Variants in ROBO2 observed in about 807,000 individuals in gnomAD.
ROBO2 encodes the protein roundabout homolog 2.
Under a neutral mutation model 160.8 loss-of-function variants are expected in ROBO2, and 53 were observed. That is an observed-to-expected ratio of 0.33 (90% CI 0.26 to 0.41). The LOEUF (loss-of-function observed/expected upper bound fraction) is 0.41. Ranked by LOEUF, ROBO2 falls within the 10% of genes least tolerant of loss-of-function variation. The pLI is 1.00. For missense variants in ROBO2, 1,577 were observed against 1,722.4 expected, an observed-to-expected ratio of 0.92 and a Z score of 1.49; for synonymous variants, 664 against 611.7, an observed-to-expected ratio of 1.09 and a Z score of -1.26.
intron 2 of ROBO2, among the ~76,000 whole-genome samples, chr3:76,493,626 C>G (rs28500665): frequency 0.27 from 40,325 of 151,624 alleles, 6,529 homozygotes; most frequent in African/African-American, 0.44. Context: ...TTATGCGAAG[C>G]CTTCAGTTTT....
chr3:77,602,785 ATC>A, intron 20 of ROBO2: 1 of 491,116 alleles, frequency 2.0e-6, no homozygotes. Context: ...TCAACAATCC[ATC>A]TCTACTTCCA....
chr3:76,727,764 G>A lies in ROBO2; in HGVS notation c.110-370250G>A, dbSNP rs149328385. Among the ~76,000 whole-genome samples the A allele has an allele frequency of 1.2e-4, 19 of 152,206 alleles. No individual in the cohort carries two copies. In the East Asian group the frequency reaches 3.7e-3, roughly 29 times the overall value. ...AATGTCAGGAAGGGGGCAGGAAATG[G>A]ATAGTAAAGAGAAAGTGGTTAATGG... On this transcript the variant is annotated intron_variant, in intron 2 of 26. Coordinates refer to the ROBO2 transcript ENST00000487694.
intron 2 of ROBO2, among the ~76,000 whole-genome samples, chr3:75,971,705 A>G (rs1357788375): frequency 6.6e-6 from 1 of 151,542 alleles, no homozygotes; most frequent in Non-Finnish European, 1.5e-5. Context: ...GGAAAACTTC[A>G]GGCTACATGG....
chr3:77,327,434 G>A (rs996136272), intron 2 of ROBO2, among the ~76,000 whole-genome samples: 5 of 152,130 alleles, frequency 3.3e-5, no homozygotes, highest in African/African-American at 1.2e-4. Context: ...AAATTGTAGG[G>A]TGAGATTTTC....
intron 2 of ROBO2, among the ~76,000 whole-genome samples, chr3:76,377,293 A>G (rs994100395): frequency 6.6e-6 from 1 of 152,156 alleles, no homozygotes; most frequent in Non-Finnish European, 1.5e-5. Context: ...CTATGCCTGC[A>G]TTGCACTGTT....
At chr3:76,120,336 T>C (rs2070698050) in intron 2 of ROBO2, among the ~76,000 whole-genome samples, 1 of 152,060 alleles carries the variant, frequency 6.6e-6, no homozygotes, top group South Asian at 2.1e-4. Flanking sequence ...TTTATTGCTG[T>C]CAGATCACAG....
At chr3:76,310,842 A>G (rs1559744343) in intron 2 of ROBO2, among the ~76,000 whole-genome samples, 6 of 152,190 alleles carry the variant, frequency 3.9e-5, no homozygotes, top group Admixed American at 3.3e-4. Flanking sequence ...CTGAAGCCTT[A>G]TTACTCTTAA....
chr3:76,164,697 T>A (rs770715882), intron 2 of ROBO2, among the ~76,000 whole-genome samples: 6 of 152,180 alleles, frequency 3.9e-5, no homozygotes, highest in Non-Finnish European at 8.8e-5. Context: ...TAAACAGATA[T>A]ACCATCATCC....
At chr3:76,127,597 A>AAATATATATATATATAT in intron 2 of ROBO2, among the ~76,000 whole-genome samples, 1 of 118,404 alleles carries the variant, frequency 8.4e-6, no homozygotes, top group Admixed American at 8.9e-5. Context: ...GGTTTGAAAA[A>AAATATATATATATATAT]ATATATATAT....
chr3:76,950,772 G>T (rs1304835618), intron 2 of ROBO2, among the ~76,000 whole-genome samples: 5 of 152,134 alleles, frequency 3.3e-5, no homozygotes, highest in Admixed American at 2.0e-4. Flanking sequence ...TGTTGCCCAG[G>T]CTGGAGTGCA....
chr3:77,311,444 T>A (rs902050910), intron 2 of ROBO2, among the ~76,000 whole-genome samples: 5 of 152,242 alleles, frequency 3.3e-5, no homozygotes, highest in African/African-American at 1.2e-4. Flanking sequence ...TTGGCTTCTA[T>A]TGTTTTGCTC....
intron 2 of ROBO2, among the ~76,000 whole-genome samples, chr3:77,307,403 T>G (rs926916840): frequency 6.6e-6 from 1 of 152,136 alleles, no homozygotes; most frequent in Non-Finnish European, 1.5e-5. Context: ...ATTGCAAACA[T>G]AAAAGCATAC....
At chr3:75,912,253 C>T (rs1451660623) in intron 1 of ROBO2, among the ~76,000 whole-genome samples, 4 of 152,194 alleles carry the variant, frequency 2.6e-5, no homozygotes, top group African/African-American at 9.7e-5. Context: ...CAACTTTCTC[C>T]TCCCCATGCT....
At chr3:76,409,929 A>G (rs2075401821) in intron 2 of ROBO2, among the ~76,000 whole-genome samples, 1 of 152,116 alleles carries the variant, frequency 6.6e-6, no homozygotes, top group South Asian at 2.1e-4. Flanking sequence ...TCCCCCAAAC[A>G]TGTGTTCACA....
At chr3:76,796,426 AAAG>A (rs1285579425) in intron 2 of ROBO2, among the ~76,000 whole-genome samples, 1 of 151,638 alleles carries the variant, frequency 6.6e-6, no homozygotes, top group Admixed American at 6.6e-5. Context: ...AGGAAAAAAA[AAAG>A]AAGGAAGAAA....
At chr3:77,396,586 A>G (rs1301922134) in intron 2 of ROBO2, among the ~76,000 whole-genome samples, 2 of 152,102 alleles carry the variant, frequency 1.3e-5, no homozygotes, top group African/African-American at 4.8e-5. Flanking sequence ...AGGTGTTGGT[A>G]TCTATTAAGT....
intron 2 of ROBO2, among the ~76,000 whole-genome samples, chr3:76,777,057 A>G (rs964370804): frequency 4.0e-5 from 6 of 151,050 alleles, no homozygotes. Flanking sequence ...TTAATGTGAA[A>G]TGAAGTTTGA....
chr3:76,663,818 C>T (rs115818841), intron 2 of ROBO2, among the ~76,000 whole-genome samples: 237 of 151,944 alleles, frequency 1.6e-3, no homozygotes, highest in Middle Eastern at 3.4e-3. Flanking sequence ...GCAGGAGAAT[C>T]GCTTGAACCC....
At chr3:76,377,126 A>G (rs945669669) in intron 2 of ROBO2, among the ~76,000 whole-genome samples, 5 of 152,138 alleles carry the variant, frequency 3.3e-5, no homozygotes, top group African/African-American at 1.2e-4. Flanking sequence ...TATTCAGAAA[A>G]TTCAATTTCT....
Sources: gnomAD v4.1 joint callset for allele counts (sites outside exome capture counted in the v4.1 genomes callset) on GRCh38, gnomAD v4.1.1 for gene constraint, MANE v1.5 for transcripts, NCBI Gene and HGNC (gene_info 2026-07-23, HGNC 2026-07-21) for gene names.